CHODL: variants seen among roughly 807,000 people sequenced by gnomAD.
CHODL encodes the protein transmembrane protein MT75.
Under a neutral mutation model 34.5 loss-of-function variants are expected in CHODL, and 29 were observed. The ratio of observed to expected loss-of-function variants is 0.84; its 90% CI spans 0.63 to 1.15. The LOEUF (loss-of-function observed/expected upper bound fraction) is 1.15, where lower values mean the gene tolerates loss of function less well. Among genes scored for constraint, CHODL ranks in the 50% most tolerant of loss-of-function variants. CHODL has a pLI of 0.00. For missense variants in CHODL, 332 were observed against 332.5 expected (o/e 1.00, Z 0.01); for synonymous variants, 125 against 116.1 (o/e 1.08, Z -0.49).
At chr21:18,246,484 A>G (rs2074143252) in intron 1 of CHODL, among the ~76,000 whole-genome samples, 1 of 152,192 alleles carries the variant, frequency 6.6e-6, no homozygotes, top group African/African-American at 2.4e-5. Context: ...CAGCTTCAGA[A>G]TATAGTTCTT....
chr21:18,142,952 A>G (rs2072820314), intron 2 of CHODL, among the ~76,000 whole-genome samples: 1 of 152,198 alleles, frequency 6.6e-6, no homozygotes, highest in Non-Finnish European at 1.5e-5. Context: ...AAGGTTTTAG[A>G]ATCCCAGGAT....
intron 2 of CHODL, among the ~76,000 whole-genome samples, chr21:18,204,089 A>G (rs1036046430): frequency 5.9e-5 from 9 of 152,272 alleles, no homozygotes. Context: ...GAAATGAAGT[A>G]AAACACATTT....
At chr21:18,160,997 AT>A (rs1188518242) in intron 2 of CHODL, among the ~76,000 whole-genome samples, 6 of 152,138 alleles carry the variant, frequency 3.9e-5, no homozygotes, top group African/African-American at 1.4e-4. Flanking sequence ...AGTATCTGCT[AT>A]TTTTTGACTT....
At chr21:17,999,197 A>G (rs1952058672) in intron 1 of CHODL, among the ~76,000 whole-genome samples, 1 of 152,178 alleles carries the variant, frequency 6.6e-6, no homozygotes. Flanking sequence ...CATAACAAGA[A>G]TCACCTTTGC....
intron 1 of CHODL, among the ~76,000 whole-genome samples, chr21:18,023,434 G>A (rs575352741): frequency 2.0e-5 from 3 of 152,210 alleles, no homozygotes; most frequent in African/African-American, 7.2e-5. Flanking sequence ...AGGCAGGGGT[G>A]GGAAAAGCGT....
At chr21:18,251,348 GATGA>G (rs1348699369) in intron 1 of CHODL, among the ~76,000 whole-genome samples, 45 of 136,268 alleles carry the variant, frequency 3.3e-4, no homozygotes, top group African/African-American at 1.1e-3. Flanking sequence ...AACTAATAAG[GATGA>G]ATATTTCTTT....
At chr21:18,081,870 C>T (rs2064946394) in intron 2 of CHODL, among the ~76,000 whole-genome samples, 1 of 152,132 alleles carries the variant, frequency 6.6e-6, no homozygotes, top group South Asian at 2.1e-4. Context: ...CAAAGCAATG[C>T]TGAATTTTAT....
intron 2 of CHODL, among the ~76,000 whole-genome samples, chr21:18,110,368 G>A (rs1051324055): frequency 1.3e-5 from 2 of 152,128 alleles, no homozygotes; most frequent in African/African-American, 2.4e-5. Flanking sequence ...AGTTGGCCCT[G>A]GGACTTATTG....
chr21:18,212,503 A>G lies in CHODL; in HGVS notation c.-44-44006A>G, dbSNP rs186033892. Reference sequence around the variant, plus strand: ...AAACATGCATTTACAATTTTATTATATATTATTTAAATTTCATGAGGCTTT... The same window carrying G: ...AAACATGCATTTACAATTTTATTATGTATTATTTAAATTTCATGAGGCTTT... On this transcript the variant is annotated intron_variant, in intron 2 of 6. Transcript: ENST00000400127. 8.5e-5 allele frequency among the ~76,000 whole-genome samples: 13 copies of G among 152,206 alleles called. No individual in the cohort carries two copies. The East Asian group carries it at 1.9e-3, about 23-fold the overall frequency.
intron 2 of CHODL, among the ~76,000 whole-genome samples, chr21:18,130,719 A>AAAT (rs2072644024): frequency 2.6e-5 from 4 of 152,208 alleles, no homozygotes; most frequent in Non-Finnish European, 4.4e-5. Context: ...GATGTAGGAT[A>AAAT]TTACCCCCAA....
chr21:18,197,504 T>C (rs998379372), intron 2 of CHODL, among the ~76,000 whole-genome samples: 1 of 152,258 alleles, frequency 6.6e-6, no homozygotes, highest in Non-Finnish European at 1.5e-5. Context: ...TAATCCCAAC[T>C]AATCTGGAGG....
At chr21:17,933,359 C>G (rs2063291532) in intron 1 of CHODL, among the ~76,000 whole-genome samples, 1 of 152,230 alleles carries the variant, frequency 6.6e-6, no homozygotes, top group Admixed American at 6.5e-5. Context: ...TGGACAATAC[C>G]TGGCTTTCCT....
At chr21:18,248,980 T>C (rs1402228871) in intron 1 of CHODL, among the ~76,000 whole-genome samples, 2 of 116,892 alleles carry the variant, frequency 1.7e-5, no homozygotes, top group Admixed American at 1.1e-4. Context: ...TATGTAAATA[T>C]ATATTATACA....
chr21:18,220,435 T>A (rs1053746860), intron 2 of CHODL, among the ~76,000 whole-genome samples: 3 of 152,180 alleles, frequency 2.0e-5, no homozygotes, highest in Non-Finnish European at 4.4e-5. Flanking sequence ...CTTATCTTAA[T>A]GATTTGGTGG....
At chr21:17,959,596 A>T (rs2063517386) in intron 1 of CHODL, among the ~76,000 whole-genome samples, 1 of 152,184 alleles carries the variant, frequency 6.6e-6, no homozygotes, top group Admixed American at 6.5e-5. Flanking sequence ...AGGCTATAAC[A>T]TTTATTACAA....
At chr21:17,990,499 A>G (rs1214036413) in intron 1 of CHODL, among the ~76,000 whole-genome samples, 1 of 152,170 alleles carries the variant, frequency 6.6e-6, no homozygotes, top group African/African-American at 2.4e-5. Flanking sequence ...ATATTTGGTT[A>G]CATTGTTATA....
intron 2 of CHODL, among the ~76,000 whole-genome samples, chr21:18,148,495 T>C (rs1160897373): frequency 6.6e-6 from 1 of 152,028 alleles, no homozygotes; most frequent in Non-Finnish European, 1.5e-5. Flanking sequence ...AATTTGTAGG[T>C]TTTATAGAAG....
At chr21:18,249,049 A>G (rs2074199311) in intron 1 of CHODL, among the ~76,000 whole-genome samples, 1 of 123,198 alleles carries the variant, frequency 8.1e-6, no homozygotes, top group African/African-American at 3.2e-5. Flanking sequence ...AATATTATAT[A>G]TATTATATAT....
chr21:18,094,562 G>A (rs1707201233), intron 2 of CHODL, among the ~76,000 whole-genome samples: 1 of 152,024 alleles, frequency 6.6e-6, no homozygotes, highest in African/African-American at 2.4e-5. Context: ...TTTTGGAAAT[G>A]ATGAAAACAC....
Sources: gnomAD v4.1 joint callset for allele counts (sites outside exome capture counted in the v4.1 genomes callset) on GRCh38, gnomAD v4.1.1 for gene constraint, MANE v1.5 for transcripts, NCBI Gene and HGNC (gene_info 2026-07-23, HGNC 2026-07-21) for gene names.